The following PTPN13 variants were observed in gnomAD, a reference collection of about 807,000 sequenced individuals.
PTPN13 encodes the protein tyrosine-protein phosphatase non-receptor type 13.
PTPN13 carries 191 observed loss-of-function variants against 284.0 expected under a neutral mutation model. That is an observed-to-expected ratio of 0.67 (90% CI 0.60 to 0.76). The LOEUF (loss-of-function observed/expected upper bound fraction) is 0.76. PTPN13 is among the 30% of genes least tolerant of loss of function. The probability of loss-of-function intolerance (pLI) is 0.00; values close to 1 mark genes in which losing one functional copy is unlikely to be tolerated. For synonymous variants in PTPN13, 986 were observed against 1,022.3 expected, an observed-to-expected ratio of 0.96 and a Z score of 0.68; for missense variants, 2,797 against 2,939.9, an observed-to-expected ratio of 0.95 and a Z score of 1.12.
At chr4:86,651,034 A>G (rs1374297890) in intron 2 of PTPN13, among the ~76,000 whole-genome samples, 3 of 152,320 alleles carry the variant, frequency 2.0e-5, no homozygotes, top group Middle Eastern at 6.8e-3. Context: ...CCCATTCAGT[A>G]TAATACTAGC....
At chr4:86,776,905 C>T (rs1366910430) in intron 35 of PTPN13, among the ~76,000 whole-genome samples, 1 of 152,096 alleles carries the variant, frequency 6.6e-6, no homozygotes, top group African/African-American at 2.4e-5. Context: ...AAGTTGGGGA[C>T]CATCAGTATC....
At chr4:86,639,022 G>C (rs1229795336) in intron 2 of PTPN13, among the ~76,000 whole-genome samples, 1,533 of 152,234 alleles carry the variant, frequency 0.01, 36 homozygotes, top group African/African-American at 0.035. Context: ...CAAAGGATAT[G>C]AACAGACACT....
In PTPN13 at chr4:86,766,494, G is replaced by C. The variant is rs1259617464; in HGVS notation, c.4306G>C (p.Glu1436Gln). Reference sequence around the variant, plus strand: ...AGGAGCCACCCATAAGCAAGCTGTGGAAACACTGAGAAATACAGGACAGGT... The same window carrying C: ...AGGAGCCACCCATAAGCAAGCTGTGCAAACACTGAGAAATACAGGACAGGT... ...LEGATHKQAV[E>Q]TLRNTGQVVH... The change falls in exon 27 of 48, where the codon GAA (glutamate) becomes CAA (glutamine). Residue 1436 changes from glutamate to glutamine, a missense_variant. Coordinates refer to ENST00000411767, the MANE Select transcript of PTPN13 (RefSeq NM_080683.3). 2.5e-6 allele frequency: 4 copies of C among 1,608,740 alleles called. No homozygotes were observed. The South Asian group carries it at 4.5e-5, about 18-fold the overall frequency.
At chr4:86,771,049 C>A (rs1446919083) in intron 30 of PTPN13, 122 bp from the exon 31 acceptor site, 1 of 1,056,474 alleles carries the variant, frequency 9.5e-7, no homozygotes, top group Non-Finnish European at 1.3e-6. Context: ...ACATAAATTA[C>A]TTTTATCATC....
chr4:86,740,061 A>C (rs1038277248), intron 15 of PTPN13, among the ~76,000 whole-genome samples: 1 of 152,118 alleles, frequency 6.6e-6, no homozygotes, highest in African/African-American at 2.4e-5. Context: ...GGCTGGTTTC[A>C]TGGGCTGGTG....
chr4:86,650,141 C>T (rs1272619890), intron 2 of PTPN13, among the ~76,000 whole-genome samples: 2 of 151,772 alleles, frequency 1.3e-5, no homozygotes, highest in Non-Finnish European at 2.9e-5. Flanking sequence ...TGCCCACCAC[C>T]ACACCCGGAT....
intron 6 of PTPN13, among the ~76,000 whole-genome samples, chr4:86,694,493 T>C (rs757675227): frequency 3.4e-5 from 5 of 146,118 alleles, no homozygotes; most frequent in Non-Finnish European, 7.4e-5. Context: ...GACAGGAGAA[T>C]CTTGAACCGG....
intron 2 of PTPN13, among the ~76,000 whole-genome samples, chr4:86,650,229 T>C (rs1724926274): frequency 6.6e-6 from 1 of 152,150 alleles, no homozygotes; most frequent in South Asian, 2.1e-4. Context: ...TTAGGTAATC[T>C]GCCTGCCTCA....
intron 3 of PTPN13, among the ~76,000 whole-genome samples, chr4:86,680,854 GT>G (rs1345495714): frequency 6.6e-6 from 1 of 152,140 alleles, no homozygotes; most frequent in Non-Finnish European, 1.5e-5. Flanking sequence ...CTTTCTCCCT[GT>G]TTTCAGGTTT....
chr4:86,681,690 G>C (rs994097813), intron 3 of PTPN13, among the ~76,000 whole-genome samples: 2 of 152,192 alleles, frequency 1.3e-5, no homozygotes, highest in African/African-American at 4.8e-5. Context: ...CACTTTGGGA[G>C]ACCAAGGCAG....
chr4:86,749,294 C>G (rs944364383), intron 17 of PTPN13, among the ~76,000 whole-genome samples: 1 of 151,952 alleles, frequency 6.6e-6, no homozygotes, highest in Non-Finnish European at 1.5e-5. Context: ...CCTCCTCCTC[C>G]TCCTTTTTCT....
chr4:86,651,340 A>G (rs1257393435), intron 2 of PTPN13, among the ~76,000 whole-genome samples: 1 of 151,860 alleles, frequency 6.6e-6, no homozygotes. Flanking sequence ...GGATTTTTGC[A>G]TTTCTATTTA....
rs1736485590 is a variant in PTPN13, at chr4:86,744,298, G to T, written c.2488-668G>T. Among the ~76,000 whole-genome samples, 4 of 151,952 alleles carry T rather than the reference G, an allele frequency of 2.6e-5. No individual in the cohort carries two copies. In the South Asian group the frequency reaches 8.3e-4, roughly 32 times the overall value. On this transcript the variant is annotated intron_variant, in intron 16 of 47. Transcript: ENST00000411767. ...ATTATATATTAATAAAAAAATTATT[G>T]TTAAACTTTCATTTTCTTGTATCCA...
intron 7 of PTPN13, among the ~76,000 whole-genome samples, chr4:86,703,527 T>TATTTCTAAC (rs3971793): frequency 0.07 from 10,572 of 151,880 alleles, 496 homozygotes; most frequent in African/African-American, 0.11. Context: ...TCTATATGAG[T>TATTTCTAAC]ATTTAAAAGG....
At chr4:86,778,903 T>A (rs1230944182) in intron 35 of PTPN13, among the ~76,000 whole-genome samples, 1 of 151,586 alleles carries the variant, frequency 6.6e-6, no homozygotes, top group Non-Finnish European at 1.5e-5. Flanking sequence ...GGAGCATTTT[T>A]TTTTATTTTT....
At chr4:86,727,817 A>G (rs1327949843) in intron 10 of PTPN13, among the ~76,000 whole-genome samples, 4 of 148,782 alleles carry the variant, frequency 2.7e-5, no homozygotes, top group African/African-American at 9.8e-5. Context: ...TATCTCCTTC[A>G]GTTCTGCTCT....
chr4:86,609,365 T>C (rs1765067001), intron 1 of PTPN13, among the ~76,000 whole-genome samples: 1 of 152,202 alleles, frequency 6.6e-6, no homozygotes, highest in Non-Finnish European at 1.5e-5. Context: ...TGTATTTATA[T>C]AAGGTTGAAA....
At chr4:86,791,220 C>T (rs796264793) in intron 40 of PTPN13, among the ~76,000 whole-genome samples, 6 of 152,322 alleles carry the variant, frequency 3.9e-5, no homozygotes, top group African/African-American at 1.4e-4. Context: ...GGGTCCCAAG[C>T]CCACGGAGCC....
chr4:86,712,657 G>T (rs985368118), intron 7 of PTPN13, among the ~76,000 whole-genome samples: 1 of 151,960 alleles, frequency 6.6e-6, no homozygotes, highest in Non-Finnish European at 1.5e-5. Context: ...TTTGTGTTTT[G>T]GAGTACCAGT....
Sources: gnomAD v4.1 joint callset for allele counts (sites outside exome capture counted in the v4.1 genomes callset) on GRCh38, gnomAD v4.1.1 for gene constraint, MANE v1.5 for transcripts, NCBI Gene and HGNC (gene_info 2026-07-23, HGNC 2026-07-21) for gene names.